Variants in EBF3 observed in about 807,000 individuals in gnomAD.
EBF3 encodes EBF transcription factor 3.
In EBF3, 18 loss-of-function variants were observed where a neutral mutation model predicts 77.1. That is an observed-to-expected ratio of 0.23 (90% CI 0.16 to 0.35). The LOEUF (loss-of-function observed/expected upper bound fraction) is 0.35. EBF3 is among the 10% of genes least tolerant of loss of function. EBF3 has a pLI of 1.00. For synonymous variants in EBF3, 350 were observed against 343.5 expected (o/e 1.02, Z -0.21); for missense variants, 558 against 860.0 (o/e 0.65, Z 4.39).
At chr10:129,880,248 G>C (rs569207781) in intron 6 of EBF3, among the ~76,000 whole-genome samples, 9 of 152,104 alleles carry the variant, frequency 5.9e-5, no homozygotes, top group Admixed American at 4.6e-4. Flanking sequence ...AGCATACCCA[G>C]GGTCAAGTCA....
In EBF3 at chr10:129,879,703, T is replaced by C. The variant is rs929171612; in HGVS notation, c.555-1854A>G. 2.6e-5 allele frequency among the ~76,000 whole-genome samples: 4 copies of C among 152,214 alleles called. No individual in the cohort carries two copies. The highest frequency in any genetic ancestry group is 9.6e-5 in the African/African-American group (4 of 41,456). On this transcript the variant is annotated intron_variant, in intron 6 of 16. Coordinates refer to ENST00000440978, the MANE Select transcript of EBF3 (RefSeq NM_001375380.1). The surrounding 1 kb of genome is among the most constrained non-coding windows in gnomAD (Gnocchi z 4.7). ...CAGCATACAGTAAGTCACTTGATATTCCACCCACCAATTTTTCCTAACAAC... is the reference window on the plus strand; with the variant it reads ...CAGCATACAGTAAGTCACTTGATATCCCACCCACCAATTTTTCCTAACAAC...
intron 6 of EBF3, among the ~76,000 whole-genome samples, chr10:129,945,419 C>T (rs1158599109): frequency 1.3e-5 from 2 of 152,126 alleles, no homozygotes; most frequent in Admixed American, 1.3e-4. Context: ...AGAAAAATGG[C>T]CAGTGCAAAG....
chr10:129,934,447 G>C (rs1424561321), intron 6 of EBF3, among the ~76,000 whole-genome samples: 1 of 152,140 alleles, frequency 6.6e-6, no homozygotes, highest in Non-Finnish European at 1.5e-5. Flanking sequence ...TCTAACTAAG[G>C]CACCTCGCCG....
intron 15 of EBF3, 44 bp downstream of exon 15, chr10:129,840,201 T>G: frequency 5.3e-5 from 40 of 761,830 alleles, no homozygotes; most frequent in Non-Finnish European, 7.2e-5. Flanking sequence ...TCCCCACCCC[T>G]GGAGAGGACC....
intron 8 of EBF3, among the ~76,000 whole-genome samples, chr10:129,872,795 G>A (rs990296007): frequency 4.6e-5 from 7 of 152,304 alleles, no homozygotes; most frequent in East Asian, 1.9e-4. Flanking sequence ...TGAGGGGCTC[G>A]GCGCAAGGCC....
Position 129,838,078 on chromosome 10 carries a change from G to GT in EBF3, c.1873-119dup. 10 of 1,258,608 alleles carry GT rather than the reference G, an allele frequency of 7.9e-6. No homozygotes were observed. The South Asian group carries it at 1.1e-4, about 14-fold the overall frequency. 78.0% of individuals were successfully genotyped at this position (1,258,608 alleles called of 1,614,324 possible). ...TCAACTGGGAGGCTGGTCTTGCACAGTTCCGTCCACCAGCCTCGGGCGTGG... is the reference window on the plus strand; with the variant it reads ...TCAACTGGGAGGCTGGTCTTGCACAGTTTCCGTCCACCAGCCTCGGGCGTGG... On this transcript the variant is annotated intron_variant, in intron 16 of 16. Transcript: ENST00000440978.
At position 129,963,438 on chromosome 10, in the gene EBF3, G is replaced by A. The variant is rs1251711247; in HGVS notation, c.220C>T (p.Leu74Phe). 6.3e-6 allele frequency: 10 copies of A among 1,591,442 alleles called. No homozygotes were observed. Among genetic ancestry groups the A allele is most frequent in the South Asian group, 2.3e-5 (2 of 88,550 alleles). Residue 74 changes from leucine (L) to phenylalanine (F), a missense_variant, in exon 2 of 17, where the codon CTC (leucine) becomes TTC (phenylalanine). This residue lies in a region of EBF3 where 84 missense variants were observed against 142.3 expected (regional missense o/e 0.59). Transcript: ENST00000440978. This position sits in a 1 kb window ranked among gnomAD's most constrained non-coding sequence, Gnocchi z 7.1. ...KSNFFHFVLA[L>F]YDRQGQPVEI... Reference sequence around the variant, plus strand: ...ACCGGCTGCCCCTGCCTATCGTAGAGCGCCAGCACGAAGTGGAAGAAATTG... The same window carrying A: ...ACCGGCTGCCCCTGCCTATCGTAGAACGCCAGCACGAAGTGGAAGAAATTG...
At chr10:129,866,643 G>A (rs1010627366) in intron 10 of EBF3, among the ~76,000 whole-genome samples, 3 of 152,216 alleles carry the variant, frequency 2.0e-5, no homozygotes, top group Non-Finnish European at 4.4e-5. Flanking sequence ...GCTGGAGCAA[G>A]AAAGACCAGG....
Position 129,942,546 on chromosome 10 carries a change from C to A in EBF3, c.554+14712G>T, listed in dbSNP as rs541353294. On this transcript the variant is annotated intron_variant, in intron 6 of 16. Coordinates refer to ENST00000440978, the MANE Select transcript of EBF3 (RefSeq NM_001375380.1). ...TGTGCAGCCTTCATGAGCTCAGGGACAGTCAGGTCAAACCCAAACAGCAAA... is the reference window on the plus strand; with the variant it reads ...TGTGCAGCCTTCATGAGCTCAGGGAAAGTCAGGTCAAACCCAAACAGCAAA... Among the ~76,000 whole-genome samples the A allele has an allele frequency of 4.3e-4, 66 of 152,290 alleles. 1 individual carries two copies. The South Asian group carries it at 8.9e-3, about 21-fold the overall frequency.
intron 6 of EBF3, among the ~76,000 whole-genome samples, chr10:129,899,312 G>A (rs1442995094): frequency 3.3e-5 from 5 of 152,176 alleles, no homozygotes; most frequent in African/African-American, 7.2e-5. Flanking sequence ...TAAACAATCC[G>A]CTGGCATTTC....
Position 129,945,252 on chromosome 10 carries a change from T to A in EBF3, c.554+12006A>T, listed in dbSNP as rs574844744. ...AAGCAGAGGGAGGGAGGGGGAGCAA[T>A]GGCAAAGCACTCCAAAACCAAAGCT... On this transcript the variant is annotated intron_variant, in intron 6 of 16. Coordinates refer to ENST00000440978, the MANE Select transcript of EBF3 (RefSeq NM_001375380.1). 2.2e-4 allele frequency among the ~76,000 whole-genome samples: 34 copies of A among 151,340 alleles called. No homozygotes were observed. The East Asian group carries it at 6.7e-3, about 30-fold the overall frequency.
intron 6 of EBF3, among the ~76,000 whole-genome samples, chr10:129,916,336 G>A (rs746950905): frequency 9.2e-5 from 14 of 152,170 alleles, no homozygotes; most frequent in Non-Finnish European, 1.9e-4. Context: ...CTTCAAAATG[G>A]GAATGACAGT....
intron 6 of EBF3, among the ~76,000 whole-genome samples, chr10:129,884,872 T>A (rs911810359): frequency 1.3e-5 from 2 of 152,250 alleles, no homozygotes; most frequent in African/African-American, 4.8e-5. Flanking sequence ...CCGTCTCTAG[T>A]GGACTCCAGC....
chr10:129,867,300 C>T (rs779383981), intron 9 of EBF3, 33 bp from the exon 10 acceptor site: 8 of 1,611,944 alleles, frequency 5.0e-6, no homozygotes, highest in African/African-American at 2.7e-5. Flanking sequence ...AGGCGCTCAG[C>T]GGCGCTGGCT....
intron 15 of EBF3, among the ~76,000 whole-genome samples, chr10:129,839,793 G>A (rs1046797776): frequency 1.3e-5 from 2 of 152,240 alleles, no homozygotes; most frequent in African/African-American, 2.4e-5. Flanking sequence ...CCATGCCAGG[G>A]CTATTTTCGC....
In EBF3 at chr10:129,952,195, C is replaced by T. The variant is rs1165700671; in HGVS notation, c.554+5063G>A. On this transcript the variant is annotated intron_variant, in intron 6 of 16. Transcript: ENST00000440978. This position sits in a 1 kb window ranked among gnomAD's most constrained non-coding sequence, Gnocchi z 4.7. ...CCGCCAAGAGAGGATCTCCAGGACCCCAAGGCCTATCCAATGATAATTATA... is the reference window on the plus strand; with the variant it reads ...CCGCCAAGAGAGGATCTCCAGGACCTCAAGGCCTATCCAATGATAATTATA... Among the ~76,000 whole-genome samples, 6 of 152,182 alleles carry T rather than the reference C, an allele frequency of 3.9e-5. No individual in the cohort carries two copies. In the East Asian group the frequency reaches 1.2e-3, roughly 29 times the overall value.
At chr10:129,929,118 G>A (rs72837169) in intron 6 of EBF3, among the ~76,000 whole-genome samples, 15,913 of 152,220 alleles carry the variant, frequency 0.1, 1,806 homozygotes, top group African/African-American at 0.29. Flanking sequence ...AACTCAGCCA[G>A]AGTAGAGTGG....
At chr10:129,883,344 T>C (rs1853341123) in intron 6 of EBF3, among the ~76,000 whole-genome samples, 1 of 152,188 alleles carries the variant, frequency 6.6e-6, no homozygotes, top group African/African-American at 2.4e-5. Context: ...CGTGCCTGGG[T>C]TCCAGCCTCG....
intron 6 of EBF3, among the ~76,000 whole-genome samples, chr10:129,881,727 A>G (rs1853225417): frequency 6.6e-6 from 1 of 152,216 alleles, no homozygotes; most frequent in South Asian, 2.1e-4. Flanking sequence ...GGTCCTGTGA[A>G]GATGGACCAA....
Sources: allele counts gnomAD v4.1 joint callset (sites outside exome capture counted in the v4.1 genomes callset), GRCh38; gene constraint gnomAD v4.1.1; regional missense constraint gnomAD v4.1.1; non-coding constraint Gnocchi (gnomAD v3.1); transcripts MANE v1.5; gene names NCBI Gene and HGNC (gene_info 2026-07-23, HGNC 2026-07-21).